Variants in PPFIA2 observed in about 807,000 individuals in gnomAD.
PPFIA2 encodes the protein liprin-alpha-2.
A neutral mutation model predicts 175.5 loss-of-function variants in PPFIA2; 46 were observed. That is an observed-to-expected ratio of 0.26 (90% CI 0.21 to 0.34). The LOEUF (loss-of-function observed/expected upper bound fraction) is 0.34. Ranked by LOEUF, PPFIA2 falls within the 10% of genes least tolerant of loss-of-function variation. The pLI, the probability that PPFIA2 is intolerant of heterozygous loss-of-function variation, is 1.00. For synonymous variants in PPFIA2, 568 were observed against 511.4 expected (o/e 1.11, Z -1.49); for missense variants, 1,179 against 1,506.1 (o/e 0.78, Z 3.60).
At chr12:81,363,761 T>C (rs2031978213) in intron 14 of PPFIA2, among the ~76,000 whole-genome samples, 1 of 151,830 alleles carries the variant, frequency 6.6e-6, no homozygotes, top group African/African-American at 2.4e-5. Flanking sequence ...TTTTACCAGC[T>C]TCAGTCTCTT....
chr12:81,709,541 C>T (rs527916871), intron 3 of PPFIA2, among the ~76,000 whole-genome samples: 2 of 151,978 alleles, frequency 1.3e-5, no homozygotes, highest in Admixed American at 1.3e-4. Context: ...CACATAGACT[C>T]ACAAATAAAT....
intron 4 of PPFIA2, chr12:81,598,064 G>A: frequency 1.3e-6 from 2 of 1,534,404 alleles, no homozygotes; most frequent in East Asian, 4.9e-5. Context: ...AATCCACAAG[G>A]AGCTACAGAT....
chr12:81,744,058 T>G (rs1366425982), intron 3 of PPFIA2, among the ~76,000 whole-genome samples: 1 of 152,178 alleles, frequency 6.6e-6, no homozygotes, highest in South Asian at 2.1e-4. Flanking sequence ...TGTAAGACAA[T>G]AGAAAATAGT....
In PPFIA2 at chr12:81,464,704, G is replaced by A. The variant is rs533877978; in HGVS notation, c.304-6838C>T. ...TTACATTCCTAGACAGGAAATTAAA[G>A]AGTGTATAACCTCTTCTGGTCAACT... On this transcript the variant is annotated intron_variant, in intron 4 of 32. Coordinates refer to ENST00000549396, the MANE Select transcript of PPFIA2 (RefSeq NM_003625.5). Among the ~76,000 whole-genome samples the A allele has an allele frequency of 9.9e-5, 15 of 152,198 alleles. 1 individual carries two copies. The South Asian group carries it at 3.1e-3, about 32-fold the overall frequency.
chr12:81,736,756 T>C (rs2081625075), intron 3 of PPFIA2, among the ~76,000 whole-genome samples: 2 of 152,064 alleles, frequency 1.3e-5, no homozygotes, highest in Admixed American at 1.3e-4. Flanking sequence ...ATCTTTTCTT[T>C]GTTTTTTAGA....
chr12:81,408,235 TCTTAA>T (rs1157797360), intron 7 of PPFIA2, among the ~76,000 whole-genome samples: 5 of 152,252 alleles, frequency 3.3e-5, no homozygotes, highest in East Asian at 3.9e-4. Context: ...TATATTACAC[TCTTAA>T]CTTATTGCTT....
intron 4 of PPFIA2, among the ~76,000 whole-genome samples, chr12:81,537,552 T>C (rs960233769): frequency 2.6e-5 from 4 of 151,858 alleles, no homozygotes; most frequent in Admixed American, 2.6e-4. Flanking sequence ...CACCAATGTT[T>C]TGTGGACCAC....
intron 11 of PPFIA2, chr12:81,369,524 G>A: frequency 1.3e-6 from 1 of 773,366 alleles, no homozygotes; most frequent in Non-Finnish European, 1.7e-6. Context: ...ACAGATGGTT[G>A]ATTATCAATA....
intron 4 of PPFIA2, among the ~76,000 whole-genome samples, chr12:81,605,062 A>G (rs1378314460): frequency 6.6e-6 from 1 of 151,814 alleles, no homozygotes; most frequent in Non-Finnish European, 1.5e-5. Context: ...AAAAATACTT[A>G]GAGCCTATGC....
In PPFIA2 at chr12:81,369,193, G is replaced by A. The variant is rs1254580498; in HGVS notation, c.1268C>T (p.Ala423Val). ...LAQRIAALTK[A>V]EERHGNIEER... ...TTCAATATTTCCATGTCTCTCTTCA[G>A]CCTGTTAAGAAATATGAAGAATACA... The change falls in exon 12 of 33, where the codon GCT (alanine) becomes GTT (valine). Residue 423 changes from alanine to valine, a missense_variant and splice_region_variant. Ala to Val is a moderately conservative substitution (Grantham distance 64). Coordinates refer to ENST00000549396, the MANE Select transcript of PPFIA2 (RefSeq NM_003625.5). The A allele has an allele frequency of 1.2e-6, 2 of 1,606,688 alleles. No individual in the cohort carries two copies. The highest frequency in any genetic ancestry group is 1.3e-5 in the African/African-American group (1 of 74,590).
chr12:81,424,637 T>C (rs2046835564), intron 7 of PPFIA2, among the ~76,000 whole-genome samples: 1 of 152,196 alleles, frequency 6.6e-6, no homozygotes, highest in African/African-American at 2.4e-5. Flanking sequence ...AAATAGAGAT[T>C]GCATGTCCTG....
chr12:81,667,648 T>G (rs111603377), intron 4 of PPFIA2, among the ~76,000 whole-genome samples: 2 of 152,210 alleles, frequency 1.3e-5, no homozygotes, highest in African/African-American at 4.8e-5. Flanking sequence ...ATCTTGTTAT[T>G]AAACAGGCTT....
At chr12:81,552,720 T>C (rs1031151213) in intron 4 of PPFIA2, among the ~76,000 whole-genome samples, 36 of 152,032 alleles carry the variant, frequency 2.4e-4, no homozygotes, top group African/African-American at 8.7e-4. Context: ...ATACTCTAAA[T>C]TCAATTTTTG....
At chr12:81,665,737 T>C (rs1265084842) in intron 4 of PPFIA2, among the ~76,000 whole-genome samples, 1 of 151,902 alleles carries the variant, frequency 6.6e-6, no homozygotes, top group East Asian at 1.9e-4. Context: ...CCAAAAGCAA[T>C]GGCAACAAAA....
intron 6 of PPFIA2, among the ~76,000 whole-genome samples, chr12:81,440,833 TAA>T (rs529392995): frequency 6.7e-6 from 1 of 148,814 alleles, no homozygotes; most frequent in Non-Finnish European, 1.5e-5. Context: ...TATATATATA[TAA>T]AACAATTCAG....
At position 81,452,608 on chromosome 12, in the gene PPFIA2, T is replaced by C. The variant is rs2052797771; in HGVS notation, c.405+5157A>G. ...AAATAACTATATACGCACATGCATGTACACATATGTAGAATCTTTATCTGT... is the reference window on the plus strand; with the variant it reads ...AAATAACTATATACGCACATGCATGCACACATATGTAGAATCTTTATCTGT... On this transcript the variant is annotated intron_variant, in intron 5 of 32. Transcript: ENST00000549396. 2.0e-5 allele frequency among the ~76,000 whole-genome samples: 3 copies of C among 152,244 alleles called. No homozygotes were observed. The South Asian group carries it at 6.2e-4, about 31-fold the overall frequency.
intron 7 of PPFIA2, among the ~76,000 whole-genome samples, chr12:81,422,166 A>G (rs941854913): frequency 6.9e-6 from 1 of 145,944 alleles, no homozygotes; most frequent in Non-Finnish European, 1.5e-5. Context: ...ATATATATAT[A>G]TATATATGTC....
intron 4 of PPFIA2, among the ~76,000 whole-genome samples, chr12:81,463,886 T>C (rs2055104541): frequency 6.6e-6 from 1 of 152,156 alleles, no homozygotes; most frequent in Admixed American, 6.6e-5. Context: ...TTTCTGTTAA[T>C]ATCTTAAAAT....
chr12:81,637,266 TTTTTTTTTTTTTTTTTTA>T (rs2064220234), intron 4 of PPFIA2, among the ~76,000 whole-genome samples: 1 of 63,254 alleles, frequency 1.6e-5, no homozygotes, highest in African/African-American at 4.7e-5. Context: ...TTTTTTTTTT[TTTTTTTTTTTTTTTTTTA>T]GTAGAGATGG....
Sources: allele counts gnomAD v4.1 joint callset (sites outside exome capture counted in the v4.1 genomes callset), GRCh38; gene constraint gnomAD v4.1.1; transcripts MANE v1.5; gene names NCBI Gene and HGNC (gene_info 2026-07-23, HGNC 2026-07-21).